The following SBF2 variants were observed in gnomAD, a reference collection of about 807,000 sequenced individuals.
SBF2 encodes the protein SET binding factor 2.
SBF2 carries 112 observed loss-of-function variants against 225.2 expected under a neutral mutation model. The observed-to-expected ratio is 0.50, with a 90% confidence interval of 0.43 to 0.58. The LOEUF (loss-of-function observed/expected upper bound fraction) is 0.58. Ranked by LOEUF, SBF2 falls within the 20% of genes least tolerant of loss-of-function variation. The pLI is 0.00. For synonymous variants in SBF2, 763 were observed against 773.3 expected, an observed-to-expected ratio of 0.99 and a Z score of 0.22; for missense variants, 1,996 against 2,206.2, an observed-to-expected ratio of 0.90 and a Z score of 1.91.
At chr11:9,835,624 C>G (rs999415589) in intron 26 of SBF2, among the ~76,000 whole-genome samples, 3 of 5,186 alleles carry the variant, frequency 5.8e-4, no homozygotes, top group Non-Finnish European at 2.1e-3. Flanking sequence ...AGAGCAAGAC[C>G]TTGTCTCAAA....
At chr11:10,086,891 T>A (rs1368322755) in intron 2 of SBF2, among the ~76,000 whole-genome samples, 1 of 152,160 alleles carries the variant, frequency 6.6e-6, no homozygotes, top group Non-Finnish European at 1.5e-5. Flanking sequence ...AACACTAAAC[T>A]AGGTATAAAC....
intron 2 of SBF2, among the ~76,000 whole-genome samples, chr11:10,188,846 T>C (rs564296410): frequency 6.6e-6 from 1 of 152,262 alleles, no homozygotes; most frequent in Non-Finnish European, 1.5e-5. Context: ...ACTCCATTTA[T>C]ATCCACTTGC....
At chr11:10,223,226 T>C (rs2135411180) in intron 1 of SBF2, among the ~76,000 whole-genome samples, 1 of 151,180 alleles carries the variant, frequency 6.6e-6, no homozygotes, top group East Asian at 1.9e-4. Flanking sequence ...ATGAGTCCTG[T>C]CATTTTTATC....
At chr11:9,798,933 C>CA (rs1853308916) in intron 32 of SBF2, among the ~76,000 whole-genome samples, 1 of 130,282 alleles carries the variant, frequency 7.7e-6, no homozygotes. Context: ...GCCTGGGCAA[C>CA]AGAGCAAGAC....
chr11:10,251,825 T>A (rs1366523889), intron 1 of SBF2, among the ~76,000 whole-genome samples: 1 of 152,196 alleles, frequency 6.6e-6, no homozygotes, highest in Non-Finnish European at 1.5e-5. Flanking sequence ...AACCTATGAA[T>A]GATGTGCAGA....
intron 16 of SBF2, among the ~76,000 whole-genome samples, chr11:9,917,617 C>A (rs757220680): frequency 2.6e-5 from 4 of 151,782 alleles, no homozygotes; most frequent in Non-Finnish European, 5.9e-5. Flanking sequence ...CAGGCATGAG[C>A]CACTGCGCCC....
intron 2 of SBF2, among the ~76,000 whole-genome samples, chr11:10,081,957 T>C (rs1184656882): frequency 6.6e-6 from 1 of 151,694 alleles, no homozygotes; most frequent in Non-Finnish European, 1.5e-5. Flanking sequence ...AGTTGATACT[T>C]AGAAAATATA....
intron 1 of SBF2, among the ~76,000 whole-genome samples, chr11:10,244,412 A>C (rs1358164117): frequency 6.6e-6 from 1 of 152,228 alleles, no homozygotes; most frequent in African/African-American, 2.4e-5. Flanking sequence ...CCCTTGTAAA[A>C]GATCAGTTGA....
At chr11:9,891,890 G>A (rs923488217) in intron 17 of SBF2, among the ~76,000 whole-genome samples, 1 of 152,088 alleles carries the variant, frequency 6.6e-6, no homozygotes, top group African/African-American at 2.4e-5. Flanking sequence ...AACTCTAAAA[G>A]ATAAACATAA....
chr11:10,275,596 T>C (rs895394824), intron 1 of SBF2, among the ~76,000 whole-genome samples: 1 of 151,664 alleles, frequency 6.6e-6, no homozygotes, highest in Non-Finnish European at 1.5e-5. Flanking sequence ...ACTTGTATTC[T>C]ACGGTTTAAC....
At chr11:9,952,611 T>A (rs1004624955) in intron 16 of SBF2, among the ~76,000 whole-genome samples, 1 of 152,214 alleles carries the variant, frequency 6.6e-6, no homozygotes, top group African/African-American at 2.4e-5. Flanking sequence ...CTGTTCTGCC[T>A]GTGGGTTTAT....
chr11:10,303,067 T>C lies in SBF2; in HGVS notation n.386+1425A>G, dbSNP rs530515772. 3 of 152,222 alleles carry C rather than the reference T, an allele frequency of 2.0e-5. No individual in the cohort carries two copies. Among genetic ancestry groups the C allele is most frequent in the African/African-American group, 7.2e-5 (3 of 41,502 alleles). 9.4% of individuals were successfully genotyped at this position (152,222 alleles called of 1,614,324 possible). A position where few individuals can be genotyped will look rare whatever the true frequency, so the allele number is the denominator to read the frequency against. ...CGCGAAGAGCTTGACTCGCAGAGGATAAAGTGAAAGGAAAAGGAAATGGGA... is the reference window on the plus strand; with the variant it reads ...CGCGAAGAGCTTGACTCGCAGAGGACAAAGTGAAAGGAAAAGGAAATGGGA... On this transcript the variant is annotated intron_variant and non_coding_transcript_variant, in intron 1 of 5. Transcript: ENST00000685217. This position sits in a 1 kb window ranked among gnomAD's most constrained non-coding sequence, Gnocchi z 5.2.
At chr11:10,214,440 G>T (rs113064925) in intron 1 of SBF2, among the ~76,000 whole-genome samples, 8,148 of 152,142 alleles carry the variant, frequency 0.054, 300 homozygotes, top group Middle Eastern at 0.14. Flanking sequence ...TGGCTAACAC[G>T]GTGAAACCCC....
At chr11:9,877,609 A>G (rs1486868079) in intron 17 of SBF2, among the ~76,000 whole-genome samples, 3 of 151,724 alleles carry the variant, frequency 2.0e-5, no homozygotes, top group Non-Finnish European at 2.9e-5. Flanking sequence ...AAGTGTTTTC[A>G]CTGTTCAATC....
chr11:10,236,295 T>A (rs1959070033), intron 1 of SBF2, among the ~76,000 whole-genome samples: 1 of 152,078 alleles, frequency 6.6e-6, no homozygotes, highest in East Asian at 1.9e-4. Context: ...CTATTAACAA[T>A]TTTTTATAAT....
intron 2 of SBF2, among the ~76,000 whole-genome samples, chr11:10,091,561 A>G (rs1951783330): frequency 1.3e-5 from 2 of 152,212 alleles, no homozygotes; most frequent in African/African-American, 4.8e-5. Context: ...ATAAGCTCTC[A>G]GGAATGTTGC....
At chr11:10,174,711 A>C (rs910602158) in intron 2 of SBF2, among the ~76,000 whole-genome samples, 6 of 152,168 alleles carry the variant, frequency 3.9e-5, no homozygotes, top group Non-Finnish European at 7.3e-5. Context: ...CATAATTGTC[A>C]GATTCACCAA....
At chr11:10,139,998 T>C (rs1305157516) in intron 2 of SBF2, among the ~76,000 whole-genome samples, 1 of 152,212 alleles carries the variant, frequency 6.6e-6, no homozygotes, top group Non-Finnish European at 1.5e-5. Context: ...TTTGGACATA[T>C]AAATATAGGA....
In SBF2 at chr11:9,832,209, TAG is replaced by T. The variant is rs376260584; in HGVS notation, c.3652+13_3652+14del. ...ATGTGAACGGGTGGTAATTGTGTTATAGAGAGATGCTTACCGGCCTGAGGGGA... is the reference window on the plus strand; with the variant it reads ...ATGTGAACGGGTGGTAATTGTGTTATAGAGATGCTTACCGGCCTGAGGGGA... On this transcript the variant is annotated intron_variant, in intron 27 of 39. Transcript: ENST00000256190. 274 of 1,609,102 alleles carry T rather than the reference TAG, an allele frequency of 1.7e-4. No individual in the cohort carries two copies. In the African/African-American group the frequency reaches 3.0e-3, roughly 18 times the overall value.
Sources: allele counts gnomAD v4.1 joint callset (sites outside exome capture counted in the v4.1 genomes callset), GRCh38; gene constraint gnomAD v4.1.1; non-coding constraint Gnocchi (gnomAD v3.1); transcripts MANE v1.5; gene names NCBI Gene and HGNC (gene_info 2026-07-23, HGNC 2026-07-21).